Variants in PTPRD observed in about 807,000 individuals in gnomAD.
The protein encoded by PTPRD is receptor-type tyrosine-protein phosphatase delta.
A neutral mutation model predicts 214.5 loss-of-function variants in PTPRD; 34 were observed. The ratio of observed to expected loss-of-function variants is 0.16; its 90% CI spans 0.12 to 0.21. The LOEUF is 0.21. Among genes scored for constraint, PTPRD ranks in the 10% least tolerant of loss-of-function variants. The pLI is 1.00. For synonymous variants in PTPRD, 1,128 were observed against 845.7 expected (o/e 1.33, Z -5.79); for missense variants, 2,545 against 2,398.7 (o/e 1.06, Z -1.27).
chr9:10,333,386 A>T (rs191069433), intron 3 of PTPRD, among the ~76,000 whole-genome samples: 67 of 151,902 alleles, frequency 4.4e-4, no homozygotes, highest in Non-Finnish European at 5.2e-4. Flanking sequence ...TGTACCGTTC[A>T]TATTATTTTC....
intron 11 of PTPRD, among the ~76,000 whole-genome samples, chr9:8,961,017 A>T (rs1193954818): frequency 6.6e-6 from 1 of 152,092 alleles, no homozygotes; most frequent in Non-Finnish European, 1.5e-5. Flanking sequence ...TCTACTAGGG[A>T]GTCAAATATC....
chr9:10,026,694 C>T (rs1275197186), intron 4 of PTPRD, among the ~76,000 whole-genome samples: 3 of 152,048 alleles, frequency 2.0e-5, no homozygotes, highest in Admixed American at 1.3e-4. Flanking sequence ...AACCTCCCCA[C>T]AATTTCAGTG....
At chr9:8,737,142 A>C (rs1259463422) in intron 11 of PTPRD, among the ~76,000 whole-genome samples, 3 of 152,218 alleles carry the variant, frequency 2.0e-5, no homozygotes, top group Non-Finnish European at 4.4e-5. Context: ...GTGCATAAGA[A>C]GACCAAATTT....
intron 35 of PTPRD, among the ~76,000 whole-genome samples, chr9:8,436,239 G>C (rs181101824): frequency 1.3e-5 from 2 of 152,136 alleles, no homozygotes; most frequent in Non-Finnish European, 2.9e-5. Flanking sequence ...CTAGATGGCA[G>C]GAATAAGCTT....
intron 8 of PTPRD, among the ~76,000 whole-genome samples, chr9:9,455,664 C>T (rs1282402171): frequency 4.0e-5 from 6 of 151,268 alleles, no homozygotes; most frequent in African/African-American, 9.7e-5. Flanking sequence ...GGAGCTTTCC[C>T]AAAGAAGCAA....
intron 8 of PTPRD, among the ~76,000 whole-genome samples, chr9:9,453,003 TA>T: frequency 7.2e-6 from 1 of 139,296 alleles, no homozygotes; most frequent in Non-Finnish European, 1.5e-5. Flanking sequence ...GTGTGACATT[TA>T]ACTGAAGCCT....
At chr9:9,006,038 T>G (rs1199695543) in intron 11 of PTPRD, among the ~76,000 whole-genome samples, 1 of 152,020 alleles carries the variant, frequency 6.6e-6, no homozygotes, top group Non-Finnish European at 1.5e-5. Flanking sequence ...ATTAAATAAT[T>G]TTGATATTCA....
Position 10,450,839 on chromosome 9 carries a change from T to C in PTPRD, c.-599-109822A>G, listed in dbSNP as rs991253999. ...TTAAAAAATTGTTGGCTGTTATTAT[T>C]TGGGGGGCACTTACATTCTTTGGAA... On this transcript the variant is annotated intron_variant, in intron 2 of 45. Transcript: ENST00000381196. 9.9e-5 allele frequency among the ~76,000 whole-genome samples: 15 copies of C among 151,960 alleles called. 1 individual carries two copies. Among genetic ancestry groups the C allele is most frequent in the African/African-American group, 2.2e-4 (9 of 41,254 alleles).
At chr9:10,133,620 ATATAAC>A (rs1230678116) in intron 3 of PTPRD, among the ~76,000 whole-genome samples, 29 of 152,302 alleles carry the variant, frequency 1.9e-4, no homozygotes, top group African/African-American at 5.3e-4. Context: ...ATAGTATGAA[ATATAAC>A]TATAAGTCCA....
intron 2 of PTPRD, among the ~76,000 whole-genome samples, chr9:10,458,902 A>AT (rs568391614): frequency 1.4e-4 from 21 of 151,538 alleles, no homozygotes; most frequent in East Asian, 3.9e-4. Flanking sequence ...TTTAAAAAGG[A>AT]TTTTTTTTTA....
At chr9:9,567,153 T>C (rs1230926271) in intron 8 of PTPRD, among the ~76,000 whole-genome samples, 1 of 151,960 alleles carries the variant, frequency 6.6e-6, no homozygotes, top group Non-Finnish European at 1.5e-5. Flanking sequence ...GCATTTGAGC[T>C]GAAATTTGAA....
At chr9:10,165,698 G>C (rs1166177319) in intron 3 of PTPRD, among the ~76,000 whole-genome samples, 1 of 151,354 alleles carries the variant, frequency 6.6e-6, no homozygotes. Context: ...TAAAATAATG[G>C]AGGACAAATT....
intron 2 of PTPRD, among the ~76,000 whole-genome samples, chr9:10,445,629 T>C (rs1244659950): frequency 6.6e-6 from 1 of 152,074 alleles, no homozygotes; most frequent in Non-Finnish European, 1.5e-5. Flanking sequence ...GGAAGACCAA[T>C]GAAACCATTA....
At position 10,435,587 on chromosome 9, in the gene PTPRD, C is replaced by G. The variant is rs554752210; in HGVS notation, c.-599-94570G>C. On this transcript the variant is annotated intron_variant, in intron 2 of 45. Transcript: ENST00000381196. ...TTATAAATCACTACTTCAAATTATT[C>G]TTATTTATTTATATTGTACTTTATT... 2.0e-5 allele frequency among the ~76,000 whole-genome samples: 3 copies of G among 151,866 alleles called. No individual in the cohort carries two copies. The East Asian group carries it at 5.8e-4, about 29-fold the overall frequency.
chr9:9,599,137 A>G (rs2093576230), intron 7 of PTPRD, among the ~76,000 whole-genome samples: 1 of 152,096 alleles, frequency 6.6e-6, no homozygotes, highest in Non-Finnish European at 1.5e-5. Context: ...GAATATAATT[A>G]TTACTACATT....
intron 3 of PTPRD, among the ~76,000 whole-genome samples, chr9:10,273,958 G>A (rs1595886298): frequency 7.1e-6 from 1 of 140,304 alleles, no homozygotes; most frequent in South Asian, 2.4e-4. Flanking sequence ...GCTATGTAAT[G>A]TAGTTTTTAA....
intron 2 of PTPRD, among the ~76,000 whole-genome samples, chr9:10,363,080 T>C (rs1205019397): frequency 6.6e-6 from 1 of 152,176 alleles, no homozygotes; most frequent in Non-Finnish European, 1.5e-5. Flanking sequence ...GTTTTGATTC[T>C]CCAGCAACTC....
chr9:9,645,688 A>AT (rs1178532087), intron 7 of PTPRD, among the ~76,000 whole-genome samples: 2 of 151,250 alleles, frequency 1.3e-5, no homozygotes, highest in African/African-American at 4.9e-5. Flanking sequence ...ATTTTCTTTC[A>AT]TTTTTCTTAT....
chr9:8,324,956 C>G (rs1013162894), intron 44 of PTPRD, among the ~76,000 whole-genome samples: 4 of 151,844 alleles, frequency 2.6e-5, no homozygotes, highest in African/African-American at 9.7e-5. Flanking sequence ...TTGTTGTTTT[C>G]CTGTAAATTT....
Sources: gnomAD v4.1 joint callset for allele counts (sites outside exome capture counted in the v4.1 genomes callset) on GRCh38, gnomAD v4.1.1 for gene constraint, MANE v1.5 for transcripts, NCBI Gene and HGNC (gene_info 2026-07-23, HGNC 2026-07-21) for gene names.